Variants in PLPPR4 observed in about 807,000 individuals in gnomAD.
PLPPR4 encodes the protein phospholipid phosphatase related 4.
PLPPR4 carries 24 observed loss-of-function variants against 56.6 expected under a neutral mutation model. The observed-to-expected ratio is 0.42, with a 90% CI of 0.31 to 0.60. PLPPR4 has a LOEUF of 0.60. Ranked by LOEUF, PLPPR4 falls within the 20% of genes least tolerant of loss-of-function variation. PLPPR4 has a pLI of 0.13. For synonymous variants in PLPPR4, 326 were observed against 328.1 expected (o/e 0.99, Z 0.07); for missense variants, 654 against 885.8 (o/e 0.74, Z 3.32).
rs772890511 is a variant in PLPPR4 at position 99,306,014 on chromosome 1, T to G, written c.1152T>G (p.Asn384Lys). 2 of 1,614,064 alleles carry G rather than the reference T, an allele frequency of 1.2e-6. No homozygotes were observed. Among genetic ancestry groups the G allele is most frequent in the Non-Finnish European group, 1.7e-6 (2 of 1,180,010 alleles). ...TPSVEDPVRR[N>K]ASIHASMDSA... is the part of the protein sequence containing the mutation. ...CTGTAGAAGACCCTGTCAGAAGAAA[T>G]GCGAGCATTCATGCCTCTATGGATT... The change falls in exon 7 of 7, where the codon AAT becomes AAG. Residue 384 changes from asparagine to lysine, a missense_variant. Coordinates refer to ENST00000370185, the MANE Select transcript of PLPPR4 (RefSeq NM_014839.5). The surrounding 1 kb of genome is among the most constrained non-coding windows in gnomAD (Gnocchi z 4.0).
chr1:99,284,230 A>C (rs1006636473), intron 1 of PLPPR4, among the ~76,000 whole-genome samples: 2 of 152,224 alleles, frequency 1.3e-5, no homozygotes, highest in African/African-American at 2.4e-5. Flanking sequence ...AAAAGATAAA[A>C]AGGTAACTCT....
chr1:99,277,845 A>C (rs1659230566), intron 1 of PLPPR4, among the ~76,000 whole-genome samples: 1 of 152,062 alleles, frequency 6.6e-6, no homozygotes, highest in African/African-American at 2.4e-5. Flanking sequence ...CATAATATAC[A>C]TGTTCCATGA....
At chr1:99,304,036 C>A (rs1193490128) in intron 6 of PLPPR4, among the ~76,000 whole-genome samples, 1 of 152,178 alleles carries the variant, frequency 6.6e-6, no homozygotes, top group African/African-American at 2.4e-5. Context: ...AGTTACACAG[C>A]TTTTCAGAAG....
chr1:99,284,134 A>G (rs552675269), intron 1 of PLPPR4, among the ~76,000 whole-genome samples: 15 of 152,308 alleles, frequency 9.8e-5, no homozygotes, highest in Non-Finnish European at 1.8e-4. Flanking sequence ...TATTATGTGC[A>G]TATCAATTCT....
At chr1:99,271,625 T>G (rs1659060899) in intron 1 of PLPPR4, among the ~76,000 whole-genome samples, 2 of 152,122 alleles carry the variant, frequency 1.3e-5, no homozygotes, top group African/African-American at 4.8e-5. Flanking sequence ...TGGTTTAATT[T>G]TTGACATGTC....
At chr1:99,304,151 C>T (rs1420538777) in intron 6 of PLPPR4, among the ~76,000 whole-genome samples, 5 of 152,152 alleles carry the variant, frequency 3.3e-5, no homozygotes, top group African/African-American at 7.2e-5. Context: ...TTTGGTCAAC[C>T]ATGGACCCCA....
At chr1:99,300,737 G>C (rs548487276) in intron 4 of PLPPR4, among the ~76,000 whole-genome samples, 172 bp from the exon 5 acceptor site, 1 of 152,176 alleles carries the variant, frequency 6.6e-6, no homozygotes, top group South Asian at 2.1e-4. Context: ...GTGATTAGCA[G>C]CATTTATTTT....
chr1:99,267,542 T>C (rs12087603), intron 1 of PLPPR4, among the ~76,000 whole-genome samples: 2,206 of 152,348 alleles, frequency 0.014, 29 homozygotes, highest in African/African-American at 0.038. Context: ...GAAATTATTA[T>C]ACCTACATCT....
chr1:99,301,072 A>C (rs1261928458), intron 5 of PLPPR4, 106 bp downstream of exon 5: 1 of 1,016,520 alleles, frequency 9.8e-7, no homozygotes, highest in Non-Finnish European at 1.5e-6. Flanking sequence ...TAATAACAGA[A>C]TGGTAAATTT....
chr1:99,302,270 A>C (rs1659898768), intron 6 of PLPPR4, among the ~76,000 whole-genome samples: 1 of 152,056 alleles, frequency 6.6e-6, no homozygotes, highest in Admixed American at 6.6e-5. Context: ...GCCCCACACC[A>C]CAAATTTAGC....
At position 99,276,266 on chromosome 1, in the gene PLPPR4, G is replaced by C. The variant is rs554598493; in HGVS notation, c.78+11595G>C. 2.6e-5 allele frequency among the ~76,000 whole-genome samples: 4 copies of C among 152,238 alleles called. No homozygotes were observed. In the South Asian group the frequency reaches 8.3e-4, roughly 32 times the overall value. On this transcript the variant is annotated intron_variant, in intron 1 of 6. Coordinates refer to ENST00000370185, the MANE Select transcript of PLPPR4 (RefSeq NM_014839.5). ...GGGAAGAGAAGCTTGTGATATGCTA[G>C]AGCGTTCTAATCTCTGAAATTAGAT... is the stretch of plus-strand genomic sequence containing the variant.
intron 1 of PLPPR4, among the ~76,000 whole-genome samples, chr1:99,283,418 A>C (rs1659380230): frequency 6.6e-6 from 1 of 152,244 alleles, no homozygotes; most frequent in African/African-American, 2.4e-5. Flanking sequence ...TGTTTCACTA[A>C]AATGGATATA....
rs776227807 is a variant in PLPPR4 at position 99,306,138 on chromosome 1, C to T, written c.1276C>T (p.Pro426Ser). 1.9e-6 allele frequency: 3 copies of T among 1,614,100 alleles called. No homozygotes were observed. The highest frequency in any genetic ancestry group is 1.7e-6 in the Non-Finnish European group (2 of 1,180,016). Residue 426 changes from proline (P) to serine (S), a missense_variant, in exon 7 of 7, where the codon CCC (proline) becomes TCC (serine). By Grantham distance (74) the Pro-to-Ser change is moderately conservative (BLOSUM62 -1). Coordinates refer to ENST00000370185, the MANE Select transcript of PLPPR4 (RefSeq NM_014839.5). The surrounding 1 kb of genome is among the most constrained non-coding windows in gnomAD (Gnocchi z 4.0). ...AGAGCCTGAGCCTGGGCAGTCACCA[C>T]CCAGATCCATAGAAATGAGGTCAAG... ...VIEPEPGQSPPRSIEMRSSSE... is the reference protein window; with the variant it reads ...VIEPEPGQSPSRSIEMRSSSE...
At chr1:99,267,201 C>T (rs1658921897) in intron 1 of PLPPR4, among the ~76,000 whole-genome samples, 1 of 152,140 alleles carries the variant, frequency 6.6e-6, no homozygotes, top group Non-Finnish European at 1.5e-5. Flanking sequence ...TTACACTTTG[C>T]CTTTTTTCAA....
chr1:99,269,984 G>A (rs1448976173), intron 1 of PLPPR4, among the ~76,000 whole-genome samples: 2 of 147,456 alleles, frequency 1.4e-5, no homozygotes, highest in Non-Finnish European at 3.0e-5. Flanking sequence ...TACTCAGAAA[G>A]TTTTCATTCC....
At chr1:99,296,110 C>T (rs926991583) in intron 2 of PLPPR4, among the ~76,000 whole-genome samples, 17 of 152,132 alleles carry the variant, frequency 1.1e-4, no homozygotes, top group Admixed American at 2.0e-4. Flanking sequence ...ATTGTGAATA[C>T]ATTGTTTAGA....
At chr1:99,291,338 G>A (rs1293219840) in intron 2 of PLPPR4, among the ~76,000 whole-genome samples, 1 of 150,706 alleles carries the variant, frequency 6.6e-6, no homozygotes, top group Non-Finnish European at 1.5e-5. Flanking sequence ...ACACTGTTGT[G>A]GGTTCAACCA....
intron 6 of PLPPR4, among the ~76,000 whole-genome samples, chr1:99,305,088 G>GCC (rs1659983842): frequency 1.3e-5 from 2 of 152,074 alleles, no homozygotes; most frequent in Admixed American, 1.3e-4. Flanking sequence ...GAATCTAGGT[G>GCC]CCCCAATCTG....
chr1:99,266,281 C>T (rs1465899644), intron 1 of PLPPR4, among the ~76,000 whole-genome samples: 3 of 152,182 alleles, frequency 2.0e-5, no homozygotes, highest in South Asian at 4.1e-4. Context: ...CAGTTAATGG[C>T]TGAGTTCCAT....
Sources: gnomAD v4.1 joint callset for allele counts (sites outside exome capture counted in the v4.1 genomes callset) on GRCh38, gnomAD v4.1.1 for gene constraint, Gnocchi (gnomAD v3.1) non-coding constraint, MANE v1.5 for transcripts, NCBI Gene and HGNC (gene_info 2026-07-23, HGNC 2026-07-21) for gene names.